The following C9 variants were observed in gnomAD, a reference collection of about 807,000 sequenced individuals.
C9 encodes the protein complement component C9.
Under a neutral mutation model 65.4 loss-of-function variants are expected in C9, and 63 were observed. The observed-to-expected ratio is 0.96, with a 90% CI of 0.79 to 1.19. The LOEUF is 1.19. Among genes scored for constraint, C9 ranks in the 50% most tolerant of loss-of-function variants. The pLI is 0.00. For missense variants in C9, 744 were observed against 670.1 expected, an observed-to-expected ratio of 1.11 and a Z score of -1.22; for synonymous variants, 229 against 227.9, an observed-to-expected ratio of 1.00 and a Z score of -0.04.
Position 39,288,776 on chromosome 5 carries a change from G to A in C9, c.1592C>T (p.Pro531Leu), listed in dbSNP as rs1321155631. The part of the protein sequence containing the change: ...LMDGKCLCAC[P>L]FKFEGIACEI... ...ACAGGCAATTCCCTCAAATTTGAAT[G>A]GGCAGGCACACAAACACTTTCCATC... Residue 531 changes from proline (P) to leucine (L), a missense_variant, in exon 10 of 11, where the codon CCA becomes CTA. Transcript: ENST00000263408. The A allele has an allele frequency of 3.7e-6, 6 of 1,612,334 alleles. No individual in the cohort carries two copies. The South Asian group carries it at 5.5e-5, about 15-fold the overall frequency.
intron 1 of C9, among the ~76,000 whole-genome samples, chr5:39,348,684 G>A (rs936381059): frequency 2.6e-5 from 4 of 152,026 alleles, no homozygotes; most frequent in African/African-American, 9.7e-5. Context: ...TATACCCAAA[G>A]GATTATAAGT....
At chr5:39,289,790 A>T (rs964884959) in intron 9 of C9, among the ~76,000 whole-genome samples, 1 of 151,876 alleles carries the variant, frequency 6.6e-6, no homozygotes, top group Non-Finnish European at 1.5e-5. Context: ...AACTAAAGGC[A>T]TATGTAAATT....
Position 39,310,094 on chromosome 5 carries a change from C to T in C9, c.1111+1043G>A, listed in dbSNP as rs143007471. Among the ~76,000 whole-genome samples, 143 of 152,244 alleles carry T rather than the reference C, an allele frequency of 9.4e-4. No individual in the cohort carries two copies. In the Middle Eastern group the frequency reaches 0.014, roughly 14 times the overall value. On this transcript the variant is annotated intron_variant, in intron 7 of 10. Coordinates refer to ENST00000263408, the MANE Select transcript of C9 (RefSeq NM_001737.5). ...ATTCCACTCCCCCCCGGGAAAGCTT[C>T]TCTCTGCCCAAAACAAGACTGAGGC...
At chr5:39,303,571 T>A (rs1057272186) in intron 9 of C9, among the ~76,000 whole-genome samples, 2 of 150,166 alleles carry the variant, frequency 1.3e-5, no homozygotes, top group African/African-American at 4.9e-5. Context: ...TTATAACATA[T>A]ATATTTTACC....
At chr5:39,339,677 T>G (rs1344948182) in intron 4 of C9, among the ~76,000 whole-genome samples, 1 of 81,808 alleles carries the variant, frequency 1.2e-5, no homozygotes, top group Non-Finnish European at 2.4e-5. Context: ...TTTTTTTTTT[T>G]GAGATGGAGT....
chr5:39,346,497 A>G (rs1165826006), intron 1 of C9, among the ~76,000 whole-genome samples: 1 of 152,218 alleles, frequency 6.6e-6, no homozygotes, highest in African/African-American at 2.4e-5. Context: ...TGAATAGACC[A>G]ATAACAGGCT....
intron 6 of C9, among the ~76,000 whole-genome samples, chr5:39,312,176 C>T (rs925653433): frequency 2.0e-5 from 3 of 152,178 alleles, no homozygotes; most frequent in Non-Finnish European, 4.4e-5. Context: ...AAATATGCTG[C>T]TGTGTCTTCT....
intron 1 of C9, among the ~76,000 whole-genome samples, chr5:39,354,536 G>T (rs1754381356): frequency 6.6e-6 from 1 of 152,166 alleles, no homozygotes; most frequent in Admixed American, 6.6e-5. Flanking sequence ...TCAAGTAGGT[G>T]TAGGAGTACT....
chr5:39,297,098 A>G (rs1279063476), intron 9 of C9, among the ~76,000 whole-genome samples: 1 of 151,656 alleles, frequency 6.6e-6, no homozygotes, highest in Non-Finnish European at 1.5e-5. Flanking sequence ...TTGTAGGATT[A>G]CTATAGTTAA....
chr5:39,297,364 C>T (rs1753204075), intron 9 of C9, among the ~76,000 whole-genome samples: 1 of 151,404 alleles, frequency 6.6e-6, no homozygotes, highest in Non-Finnish European at 1.5e-5. Flanking sequence ...AAACAACTAG[C>T]AAGTACAGAT....
Position 39,285,168 on chromosome 5 carries a change from C to T in C9, c.*31G>A. 3 of 1,599,236 alleles carry T rather than the reference C, an allele frequency of 1.9e-6. No individual in the cohort carries two copies. Among genetic ancestry groups the T allele is most frequent in the Non-Finnish European group, 1.7e-6 (2 of 1,166,516 alleles). ...GATCTGAAGGTACTAGTGTTTTCTT[C>T]TTCCACTGGAGCTCAGAGAAGCCAA... On this transcript the variant is annotated 3_prime_UTR_variant, in exon 11 of 11. Transcript: ENST00000263408.
At chr5:39,294,994 T>C (rs573881774) in intron 9 of C9, among the ~76,000 whole-genome samples, 2 of 151,936 alleles carry the variant, frequency 1.3e-5, no homozygotes, top group East Asian at 3.9e-4. Flanking sequence ...AGAAAAACCA[T>C]TGGATAAAAT....
intron 9 of C9, among the ~76,000 whole-genome samples, chr5:39,303,635 A>G (rs1753323669): frequency 6.6e-6 from 1 of 151,846 alleles, no homozygotes; most frequent in South Asian, 2.1e-4. Flanking sequence ...TTCCACTTAG[A>G]GTAAAACAGC....
At chr5:39,320,290 A>G (rs1361593329) in intron 5 of C9, among the ~76,000 whole-genome samples, 1 of 152,186 alleles carries the variant, frequency 6.6e-6, no homozygotes, top group African/African-American at 2.4e-5. Flanking sequence ...TACATGAACA[A>G]AATTAGAAGT....
Position 39,315,818 on chromosome 5 carries a change from T to C in C9, c.827A>G (p.Lys276Arg), listed in dbSNP as rs974283690. Residue 276 changes from lysine (K) to arginine (R), a missense_variant, in exon 6 of 11, where the codon AAA (lysine) becomes AGA (arginine). Coordinates refer to ENST00000263408, the MANE Select transcript of C9 (RefSeq NM_001737.5). ...GKGSFRFSYS[K>R]NETYQLFLSY... is the part of the protein sequence containing the mutation. ...CAAAAATAGTTGGTAAGTTTCATTTTTGGAATATGAAAACCGAAAACTACC... is the reference window on the plus strand; with the variant it reads ...CAAAAATAGTTGGTAAGTTTCATTTCTGGAATATGAAAACCGAAAACTACC... 1 of 1,608,406 alleles carries C rather than the reference T, an allele frequency of 6.2e-7. No individual in the cohort carries two copies.
Position 39,361,113 on chromosome 5 carries a change from T to TA in C9, c.77+3274dup, listed in dbSNP as rs35967959. On this transcript the variant is annotated intron_variant, in intron 1 of 10. Coordinates refer to ENST00000263408, the MANE Select transcript of C9 (RefSeq NM_001737.5). ...TATCCAGGACATGCCATGAAGTAAA[T>TA]AAAAAAAAAAAGGAAAGTAAAAGAA... Among the ~76,000 whole-genome samples the TA allele has an allele frequency of 3.2e-3, 412 of 128,832 alleles. 8 individuals carry two copies. Among genetic ancestry groups the TA allele is most frequent in the Admixed American group, 1.2e-3 (16 of 13,064 alleles). The allele number at this position is 128,832 out of a possible 152,430, so 84.5% of individuals were successfully genotyped here. A position where few individuals can be genotyped will look rare whatever the true frequency, so the allele number is the denominator to read the frequency against.
In C9 at chr5:39,285,154, A is replaced by G. The variant is rs751344011; in HGVS notation, c.*45T>C. On this transcript the variant is annotated 3_prime_UTR_variant, in exon 11 of 11. Transcript: ENST00000263408. Reference sequence around the variant, plus strand: ...ATCTTCAGGGGTAGGATCTGAAGGTACTAGTGTTTTCTTCTTCCACTGGAG... The same window carrying G: ...ATCTTCAGGGGTAGGATCTGAAGGTGCTAGTGTTTTCTTCTTCCACTGGAG... The G allele has an allele frequency of 6.6e-6, 10 of 1,515,624 alleles. No homozygotes were observed. Among genetic ancestry groups the G allele is most frequent in the African/African-American group, 1.4e-5 (1 of 72,954 alleles). 93.9% of individuals were successfully genotyped at this position (1,515,624 alleles called of 1,614,324 possible).
rs534136997 is a variant in C9, at chr5:39,331,832, A to T, written c.477-18T>A. ...TGTTGATCCTGAGAATGAACAGAGT[A>T]GTATCAGAAGTGGAAATACCACAAC... is the stretch of plus-strand genomic sequence containing the variant. On this transcript the variant is annotated intron_variant, in intron 4 of 10. Transcript: ENST00000263408. 2 of 1,611,586 alleles carry T rather than the reference A, an allele frequency of 1.2e-6. No individual in the cohort carries two copies. The highest frequency in any genetic ancestry group is 4.5e-5 in the East Asian group (2 of 44,854).
Position 39,323,319 on chromosome 5 carries a change from G to A in C9, c.616-7290C>T, listed in dbSNP as rs1000804862. On this transcript the variant is annotated intron_variant, in intron 5 of 10. Transcript: ENST00000263408. ...GAATATTTCCAAATTCATTTTATAA[G>A]ACCAGCATTACCCTGATATCAAAGC... 6.6e-5 allele frequency among the ~76,000 whole-genome samples: 10 copies of A among 151,728 alleles called. No individual in the cohort carries two copies. In the East Asian group the frequency reaches 1.9e-3, roughly 29 times the overall value.
Sources: gnomAD v4.1 joint callset for allele counts (sites outside exome capture counted in the v4.1 genomes callset) on GRCh38, gnomAD v4.1.1 for gene constraint, MANE v1.5 for transcripts, NCBI Gene and HGNC (gene_info 2026-07-23, HGNC 2026-07-21) for gene names.